Variants in RABGAP1L observed in about 807,000 individuals in gnomAD.
RABGAP1L encodes rab GTPase-activating protein 1-like.
In RABGAP1L, 63 loss-of-function variants were observed where a neutral mutation model predicts 137.7. The ratio of observed to expected loss-of-function variants is 0.46; its 90% CI spans 0.37 to 0.56. The LOEUF (loss-of-function observed/expected upper bound fraction) is 0.56. Among genes scored for constraint, RABGAP1L ranks in the 20% least tolerant of loss-of-function variants. RABGAP1L has a pLI of 0.00. For missense variants in RABGAP1L, 1,095 were observed against 1,244.0 expected (o/e 0.88, Z 1.80); for synonymous variants, 431 against 433.7 (o/e 0.99, Z 0.08).
intron 18 of RABGAP1L, among the ~76,000 whole-genome samples, chr1:174,758,022 C>CAAA (rs34002785): frequency 2.2e-4 from 29 of 130,132 alleles, no homozygotes; most frequent in South Asian, 2.6e-4. Context: ...GACTCCATCT[C>CAAA]AAAAAAAAAA....
intron 19 of RABGAP1L, among the ~76,000 whole-genome samples, chr1:174,935,908 A>C (rs1034497153): frequency 4.7e-5 from 7 of 149,144 alleles, no homozygotes; most frequent in African/African-American, 1.5e-4. Flanking sequence ...TTGAACCTGG[A>C]AGGCAGAGGA....
intron 17 of RABGAP1L, among the ~76,000 whole-genome samples, chr1:174,721,847 C>T (rs1035318531): frequency 6.6e-6 from 1 of 152,182 alleles, no homozygotes; most frequent in African/African-American, 2.4e-5. Flanking sequence ...TCTAAAATTA[C>T]TCCTTTTTCT....
chr1:174,223,767 A>AC (rs1301681962), intron 3 of RABGAP1L, among the ~76,000 whole-genome samples: 1 of 152,156 alleles, frequency 6.6e-6, no homozygotes, highest in East Asian at 1.9e-4. Context: ...AAGTAGAGGT[A>AC]CACAGGTAGC....
chr1:174,708,905 C>G (rs535872866), intron 17 of RABGAP1L, among the ~76,000 whole-genome samples: 19 of 152,316 alleles, frequency 1.2e-4, no homozygotes, highest in African/African-American at 3.9e-4. Flanking sequence ...TGGCATCCAA[C>G]AAGCTAAGAT....
Position 174,278,692 on chromosome 1 carries a change from A to G in RABGAP1L, c.1236A>G (p.Thr412=). 6.2e-7 allele frequency: 1 copy of G among 1,612,094 alleles called. No homozygotes were observed. Among genetic ancestry groups the G allele is most frequent in the Non-Finnish European group, 8.5e-7 (1 of 1,179,264 alleles). The part of the protein sequence containing the change: ...VVEPVRFLLE[T]VVRVYPANER... Reference sequence around the variant, plus strand: ...AGCCTGTTCGCTTTCTCCTGGAGACAGTAGTCCGTGTGTACCCTGCAAATG... The same window carrying G: ...AGCCTGTTCGCTTTCTCCTGGAGACGGTAGTCCGTGTGTACCCTGCAAATG... Residue 412 remains threonine (T), a synonymous_variant, in exon 10 of 26, where the codon ACA becomes ACG. Coordinates refer to ENST00000681986, the MANE Select transcript of RABGAP1L (RefSeq NM_001366446.1).
At chr1:174,598,296 C>G (rs1274404321) in intron 13 of RABGAP1L, among the ~76,000 whole-genome samples, 2 of 147,860 alleles carry the variant, frequency 1.4e-5, no homozygotes, top group South Asian at 2.2e-4. Context: ...TCACTGCACT[C>G]CAGCCTGGCA....
chr1:174,394,176 A>G (rs1647530535), intron 13 of RABGAP1L, 31 bp downstream of exon 13: 1 of 1,601,334 alleles, frequency 6.2e-7, no homozygotes. Flanking sequence ...TATTATTTTC[A>G]TTGGATGACC....
chr1:174,532,193 G>GT (rs1014231554), intron 13 of RABGAP1L, among the ~76,000 whole-genome samples: 1 of 151,120 alleles, frequency 6.6e-6, no homozygotes, highest in South Asian at 2.1e-4. Context: ...GATCACAGGA[G>GT]TTTTTTGTTT....
At chr1:174,766,077 T>TA (rs1164202825) in intron 18 of RABGAP1L, among the ~76,000 whole-genome samples, 2 of 152,152 alleles carry the variant, frequency 1.3e-5, no homozygotes, top group African/African-American at 4.8e-5. Flanking sequence ...CTAGTATCCT[T>TA]AAGAGGACAT....
rs946911850 is a variant in RABGAP1L at position 174,437,030 on chromosome 1, A to C, written c.1710+42885A>C. The stretch of plus-strand genomic sequence containing the variant: ...GGTCCTGACTGTTAGAAGGAAAACT[A>C]ACAAACAGAAAGGACATCCACACCA... On this transcript the variant is annotated intron_variant, in intron 13 of 25. Coordinates refer to ENST00000681986, the MANE Select transcript of RABGAP1L (RefSeq NM_001366446.1). Among the ~76,000 whole-genome samples, 4 of 152,262 alleles carry C rather than the reference A, an allele frequency of 2.6e-5. No homozygotes were observed. In the East Asian group the frequency reaches 7.7e-4, roughly 29 times the overall value.
chr1:174,657,455 A>G (rs1676046023), intron 14 of RABGAP1L, among the ~76,000 whole-genome samples: 1 of 152,012 alleles, frequency 6.6e-6, no homozygotes, highest in Non-Finnish European at 1.5e-5. Context: ...CTTCTATGAG[A>G]TCAACTTTTT....
chr1:174,587,566 G>A (rs1423742699), intron 13 of RABGAP1L, among the ~76,000 whole-genome samples: 1 of 152,074 alleles, frequency 6.6e-6, no homozygotes, highest in Non-Finnish European at 1.5e-5. Flanking sequence ...TTGTTCAACT[G>A]TGTACCATTA....
At chr1:174,575,651 A>G (rs1668317533) in intron 13 of RABGAP1L, among the ~76,000 whole-genome samples, 1 of 152,244 alleles carries the variant, frequency 6.6e-6, no homozygotes, top group Non-Finnish European at 1.5e-5. Flanking sequence ...GTATAGAGAC[A>G]TCTATACTTA....
Position 174,372,834 on chromosome 1 carries a change from G to A in RABGAP1L, c.1559+1762G>A, listed in dbSNP as rs865871804. ...CAATTCATTTGCACTACCATGAATG[G>A]GAGTCATTTGCATAGCTATGGACAG... On this transcript the variant is annotated intron_variant, in intron 12 of 25. Coordinates refer to ENST00000681986, the MANE Select transcript of RABGAP1L (RefSeq NM_001366446.1). 2.0e-5 allele frequency among the ~76,000 whole-genome samples: 3 copies of A among 152,150 alleles called. 1 individual carries two copies. The highest frequency in any genetic ancestry group is 6.8e-3 in the Middle Eastern group (2 of 294).
In RABGAP1L at chr1:174,444,551, G is replaced by A. The variant is rs113581471; in HGVS notation, c.1710+50406G>A. Among the ~76,000 whole-genome samples the A allele has an allele frequency of 4.1e-3, 621 of 152,118 alleles. 6 individuals are homozygous for A. The highest frequency in any genetic ancestry group is 0.014 in the African/African-American group (587 of 41,548). On this transcript the variant is annotated intron_variant, in intron 13 of 25. Coordinates refer to ENST00000681986, the MANE Select transcript of RABGAP1L (RefSeq NM_001366446.1). ...TTCTTTAAGTGTTTGGTAGAATTCA[G>A]CAGTGAAGCCATCAAGTTCTGGGCA...
chr1:174,913,965 C>T (rs1220983036), intron 19 of RABGAP1L, among the ~76,000 whole-genome samples: 1 of 152,154 alleles, frequency 6.6e-6, no homozygotes. Flanking sequence ...GATTTCCCAG[C>T]ATATTTATCT....
At chr1:174,485,586 A>G (rs560608708) in intron 13 of RABGAP1L, among the ~76,000 whole-genome samples, 2 of 152,322 alleles carry the variant, frequency 1.3e-5, no homozygotes. Flanking sequence ...TTCAGCTTCA[A>G]TGGAAATGAT....
intron 3 of RABGAP1L, among the ~76,000 whole-genome samples, chr1:174,225,494 CT>C (rs59323156): frequency 0.18 from 18,502 of 105,552 alleles, 2,316 homozygotes; most frequent in African/African-American, 0.38. Flanking sequence ...AGAATGTTGA[CT>C]TTTTTTTTTT....
intron 4 of RABGAP1L, among the ~76,000 whole-genome samples, chr1:174,240,679 T>G (rs1671732327): frequency 6.6e-6 from 1 of 152,242 alleles, no homozygotes; most frequent in South Asian, 2.1e-4. Flanking sequence ...AGAAAGGGCC[T>G]CAGTTGAACA....
Sources: gnomAD v4.1 joint callset for allele counts (sites outside exome capture counted in the v4.1 genomes callset) on GRCh38, gnomAD v4.1.1 for gene constraint, MANE v1.5 for transcripts, NCBI Gene and HGNC (gene_info 2026-07-23, HGNC 2026-07-21) for gene names.